SCN2A: variants seen among roughly 807,000 people sequenced by gnomAD.
SCN2A encodes sodium voltage-gated channel alpha subunit 2, also known as sodium channel protein type 2 subunit alpha.
A neutral mutation model predicts 188.7 loss-of-function variants in SCN2A; 20 were observed. That is an observed-to-expected ratio of 0.11 (90% CI 0.07 to 0.15). The LOEUF (loss-of-function observed/expected upper bound fraction) is 0.15. SCN2A is among the 10% of genes least tolerant of loss of function. SCN2A has a pLI of 1.00. For synonymous variants in SCN2A, 804 were observed against 833.1 expected (o/e 0.97, Z 0.60); for missense variants, 1,278 against 2,445.0 (o/e 0.52, Z 10.07).
At chr2:165,319,438 A>G (rs887036938) in intron 11 of SCN2A, among the ~76,000 whole-genome samples, 1 of 152,248 alleles carries the variant, frequency 6.6e-6, no homozygotes, top group South Asian at 2.1e-4. Flanking sequence ...AATAGAAACT[A>G]ACAGATATTA....
At chr2:165,381,261 T>C (rs1701588409) in intron 25 of SCN2A, 64 bp downstream of exon 25, 1 of 1,198,778 alleles carries the variant, frequency 8.3e-7, no homozygotes, top group Non-Finnish European at 1.2e-6. Context: ...ACAGCCCGAA[T>C]TTCTAGAAAC....
At position 165,365,186 on chromosome 2, in the gene SCN2A, T is replaced by C. The variant is rs1276761608; in HGVS notation, c.3443T>C (p.Ile1148Thr). ...TSSSEGSTVD[I>T]GAPAEGEQPE... ...TCATCTGAAGGCAGCACGGTTGATA[T>C]TGGAGCTCCCGCCGAGGGAGAACAG... The change falls in exon 18 of 27, where the codon ATT becomes ACT. Residue 1148 changes from isoleucine to threonine, a missense_variant. By Grantham distance (89) the Ile-to-Thr change is moderately conservative. Coordinates refer to ENST00000375437, the MANE Select transcript of SCN2A (RefSeq NM_001040142.2). 4 of 1,613,798 alleles carry C rather than the reference T, an allele frequency of 2.5e-6. No homozygotes were observed. Among genetic ancestry groups the C allele is most frequent in the Admixed American group, 1.7e-5 (1 of 59,988 alleles).
chr2:165,327,144 A>G (rs1698400778), intron 13 of SCN2A, 160 bp downstream of exon 13: 4 of 889,686 alleles, frequency 4.5e-6, no homozygotes, highest in African/African-American at 1.8e-5. Flanking sequence ...GGATTCTATT[A>G]TCTTCCACAG....
intron 16 of SCN2A, among the ~76,000 whole-genome samples, chr2:165,345,549 T>A (rs777856466): frequency 6.6e-6 from 1 of 152,190 alleles, no homozygotes; most frequent in South Asian, 2.1e-4. Context: ...CCCTGCTTTT[T>A]TTTTTTCTTT....
At chr2:165,364,653 C>T (rs1190077361) in intron 17 of SCN2A, among the ~76,000 whole-genome samples, 1 of 152,138 alleles carries the variant, frequency 6.6e-6, no homozygotes, top group African/African-American at 2.4e-5. Context: ...TATATGTTTT[C>T]ATGTCAATGA....
chr2:165,350,464 C>CTTTTTTTTTTTTTTTTT lies in SCN2A; in HGVS notation c.2920-3718_2920-3702dup, dbSNP rs71028479. 7.6e-4 allele frequency among the ~76,000 whole-genome samples: 56 copies of CTTTTTTTTTTTTTTTTT among 73,830 alleles called. 1 individual carries two copies. The highest frequency in any genetic ancestry group is 1.1e-3 in the Non-Finnish European group (45 of 40,320). The allele number at this position is 73,830 out of a possible 152,430, so 48.4% of individuals were successfully genotyped here. On this transcript the variant is annotated intron_variant, in intron 16 of 26. Transcript: ENST00000375437. ...GTGAGCTTGCTGAACTGTTTTCTTT[C>CTTTTTTTTTTTTTTTTT]TTTTTTTTTTTTTTTTTTTTTTTTT...
chr2:165,312,145 C>T (rs1444135019), intron 8 of SCN2A, 57 bp downstream of exon 8: 1 of 1,264,636 alleles, frequency 7.9e-7, no homozygotes. Context: ...TGTCAATAAC[C>T]TGCCACCTCC....
At chr2:165,246,432 C>A (rs745741033) in intron 1 of SCN2A, among the ~76,000 whole-genome samples, 1 of 152,124 alleles carries the variant, frequency 6.6e-6, no homozygotes, top group Non-Finnish European at 1.5e-5. Context: ...GTAACTGTGG[C>A]CTGCCCATAA....
intron 20 of SCN2A, chr2:165,371,335 C>G (rs1015007967): frequency 1.3e-5 from 2 of 152,116 alleles, no homozygotes; most frequent in Non-Finnish European, 2.9e-5. Context: ...TGCCTTAAAT[C>G]AAATATGCTT....
chr2:165,362,060 GTCAT>G (rs1203319289), intron 17 of SCN2A, among the ~76,000 whole-genome samples: 1 of 151,980 alleles, frequency 6.6e-6, no homozygotes, highest in Non-Finnish European at 1.5e-5. Context: ...CCTCGCACTG[GTCAT>G]TCATTCATTT....
rs955346659 is a variant in SCN2A, at chr2:165,390,633, T to C, written c.*809T>C. 1.3e-5 allele frequency: 2 copies of C among 152,460 alleles called. No homozygotes were observed. Among genetic ancestry groups the C allele is most frequent in the African/African-American group, 4.8e-5 (2 of 41,410 alleles). The allele number at this position is 152,460 out of a possible 1,614,324, so 9.4% of individuals were successfully genotyped here. Reference sequence around the variant, plus strand: ...ATGTATATATGTATATGTGCGTGTATATACATATATATGTATACACACATG... The same window carrying C: ...ATGTATATATGTATATGTGCGTGTACATACATATATATGTATACACACATG... On this transcript the variant is annotated 3_prime_UTR_variant, in exon 27 of 27. Coordinates refer to ENST00000375437, the MANE Select transcript of SCN2A (RefSeq NM_001040142.2).
At chr2:165,256,939 G>A (rs781075843) in intron 1 of SCN2A, among the ~76,000 whole-genome samples, 25 of 151,810 alleles carry the variant, frequency 1.6e-4, no homozygotes, top group Non-Finnish European at 2.8e-4. Flanking sequence ...CTATAACTTT[G>A]TTTTAACAGT....
chr2:165,364,567 C>T (rs1700628545), intron 17 of SCN2A, among the ~76,000 whole-genome samples: 1 of 152,102 alleles, frequency 6.6e-6, no homozygotes, highest in Admixed American at 6.6e-5. Flanking sequence ...AAAATATCAG[C>T]TCTTGCTATA....
At chr2:165,272,264 A>G (rs1388019883) in intron 1 of SCN2A, 1 of 152,128 alleles carries the variant, frequency 6.6e-6, no homozygotes, top group Non-Finnish European at 1.5e-5. Flanking sequence ...TAACACAGAT[A>G]AAAATGGTCA....
At chr2:165,297,251 C>G in intron 3 of SCN2A, 116 bp downstream of exon 3, 3 of 679,850 alleles carry the variant, frequency 4.4e-6, no homozygotes, top group Non-Finnish European at 5.4e-6. Context: ...CTTTTTCTTT[C>G]CTTTTACTCA....
chr2:165,363,181 C>T (rs1419406865), intron 17 of SCN2A, among the ~76,000 whole-genome samples: 2 of 152,062 alleles, frequency 1.3e-5, no homozygotes, highest in Non-Finnish European at 2.9e-5. Flanking sequence ...TTCACTCACT[C>T]ATTCTTTTTT....
rs767778904 is a variant in SCN2A, at chr2:165,365,209, C to G, written c.3466C>G (p.Gln1156Glu). 1 of 1,613,906 alleles carries G rather than the reference C, an allele frequency of 6.2e-7. No homozygotes were observed. Among genetic ancestry groups the G allele is most frequent in the South Asian group, 1.1e-5 (1 of 91,074 alleles). Residue 1156 changes from glutamine (Q) to glutamate (E), a missense_variant, in exon 18 of 27, where the codon CAG (glutamine) becomes GAG (glutamate). This residue lies in a region of SCN2A where 228 missense variants were observed against 297.3 expected (regional missense o/e 0.77). Transcript: ENST00000375437. ...VDIGAPAEGEQPEVEPEESLE... is the reference protein window; with the variant it reads ...VDIGAPAEGEEPEVEPEESLE... The stretch of plus-strand genomic sequence containing the variant: ...TATTGGAGCTCCCGCCGAGGGAGAA[C>G]AGCCTGAGGTTGAACCTGAGGAATC...
chr2:165,297,430 C>T (rs1696569654), intron 3 of SCN2A, among the ~76,000 whole-genome samples: 1 of 152,216 alleles, frequency 6.6e-6, no homozygotes, highest in Non-Finnish European at 1.5e-5. Flanking sequence ...GACCATGTTA[C>T]CAGGCTTTCC....
Position 165,286,745 on chromosome 2 carries a change from C to T in SCN2A, c.-51-9028C>T, listed in dbSNP as rs151306533. 6.0e-3 allele frequency among the ~76,000 whole-genome samples: 917 copies of T among 152,232 alleles called. 18 individuals carry two copies. The highest frequency in any genetic ancestry group is 0.021 in the African/African-American group (871 of 41,534). On this transcript the variant is annotated intron_variant, in intron 1 of 26. Coordinates refer to ENST00000375437, the MANE Select transcript of SCN2A (RefSeq NM_001040142.2). ...GATGAACACAGGGTGTGTTTCAGCC[C>T]TGAGATTTTTGGGTTGAAGAGCTCT...
Sources: allele counts gnomAD v4.1 joint callset (sites outside exome capture counted in the v4.1 genomes callset), GRCh38; gene constraint gnomAD v4.1.1; regional missense constraint gnomAD v4.1.1; transcripts MANE v1.5; gene names NCBI Gene and HGNC (gene_info 2026-07-23, HGNC 2026-07-21).